The following RNF220 variants were observed in gnomAD, a reference collection of about 807,000 sequenced individuals.
The protein encoded by RNF220 is ring finger protein 220.
Under a neutral mutation model 67.1 loss-of-function variants are expected in RNF220, and 7 were observed. The observed-to-expected ratio is 0.10, with a 90% CI of 0.06 to 0.20. RNF220 has a LOEUF of 0.20. Among genes scored for constraint, RNF220 ranks in the 10% least tolerant of loss-of-function variants. The pLI is 1.00. For missense variants in RNF220, 565 were observed against 740.3 expected, an observed-to-expected ratio of 0.76 and a Z score of 2.75; for synonymous variants, 270 against 283.2, an observed-to-expected ratio of 0.95 and a Z score of 0.47.
chr1:44,556,073 C>T (rs1310329249), intron 2 of RNF220, among the ~76,000 whole-genome samples: 2 of 150,390 alleles, frequency 1.3e-5, no homozygotes, highest in Non-Finnish European at 2.9e-5. Context: ...CTCTCTGTGT[C>T]GCCCAGGCTG....
At chr1:44,632,171 G>T in intron 5 of RNF220, 172 bp from the exon 6 acceptor site, 1 of 1,562,052 alleles carries the variant, frequency 6.4e-7, no homozygotes, top group Non-Finnish European at 8.7e-7. Flanking sequence ...AGAGCCCGGA[G>T]CGGCCGGAGG....
chr1:44,513,906 G>A (rs974302776), intron 2 of RNF220, among the ~76,000 whole-genome samples: 3 of 152,240 alleles, frequency 2.0e-5, no homozygotes, highest in Non-Finnish European at 4.4e-5. Context: ...TGGAATAGAG[G>A]CGTTTGTTAG....
intron 2 of RNF220, among the ~76,000 whole-genome samples, chr1:44,557,575 T>TCATC (rs149254753): frequency 0.089 from 13,502 of 152,046 alleles, 804 homozygotes; most frequent in East Asian, 0.26. Context: ...GTTCATTCAT[T>TCATC]CATTCATTCA....
intron 2 of RNF220, chr1:44,423,893 G>A (rs778448272): frequency 1.3e-4 from 124 of 985,304 alleles, no homozygotes; most frequent in Non-Finnish European, 1.4e-4. Flanking sequence ...AAAAGAAAGC[G>A]AAGCAAACCG....
chr1:44,427,034 A>G (rs1649859182), intron 2 of RNF220, among the ~76,000 whole-genome samples: 3 of 152,228 alleles, frequency 2.0e-5, no homozygotes, highest in Admixed American at 2.0e-4. Context: ...TGACACTTCA[A>G]GCACTTTCTA....
At position 44,629,114 on chromosome 1, in the gene RNF220, C is replaced by T. The variant is rs1011201055; in HGVS notation, c.906+2716C>T. Among the ~76,000 whole-genome samples the T allele has an allele frequency of 1.1e-4, 16 of 152,234 alleles. 1 individual carries two copies. On this transcript the variant is annotated intron_variant, in intron 5 of 14. Coordinates refer to ENST00000361799, the MANE Select transcript of RNF220 (RefSeq NM_018150.4). The stretch of plus-strand genomic sequence containing the variant: ...GGTGTCTTGGCTCTCTTCCATGTGG[C>T]CTCTCATCCTCCAGTATGTTCAATC...
At chr1:44,457,375 GA>G (rs1653298339) in intron 2 of RNF220, among the ~76,000 whole-genome samples, 1 of 152,038 alleles carries the variant, frequency 6.6e-6, no homozygotes, top group Non-Finnish European at 1.5e-5. Context: ...AAAAATGAAT[GA>G]AAAAAATTAT....
At chr1:44,520,147 AAG>A (rs1188847351) in intron 2 of RNF220, among the ~76,000 whole-genome samples, 1 of 90,726 alleles carries the variant, frequency 1.1e-5, no homozygotes, top group African/African-American at 4.4e-5. Flanking sequence ...GAGAGAGAGA[AAG>A]AGAGAGATTG....
chr1:44,467,718 T>C (rs1395603308), intron 2 of RNF220, among the ~76,000 whole-genome samples: 1 of 152,210 alleles, frequency 6.6e-6, no homozygotes, highest in East Asian at 1.9e-4. Context: ...CATTTTTTTA[T>C]TTCTTTTAAG....
intron 2 of RNF220, among the ~76,000 whole-genome samples, chr1:44,597,410 A>AACGT (rs1257249599): frequency 6.6e-6 from 1 of 151,546 alleles, no homozygotes; most frequent in African/African-American, 2.4e-5. Flanking sequence ...CAAGACAGAA[A>AACGT]ACGTACATCC....
intron 2 of RNF220, among the ~76,000 whole-genome samples, chr1:44,588,714 GC>G (rs1315893593): frequency 1.3e-5 from 2 of 152,234 alleles, no homozygotes; most frequent in African/African-American, 4.8e-5. Flanking sequence ...GGGCCAGGGG[GC>G]AGAGGTGGCT....
intron 2 of RNF220, among the ~76,000 whole-genome samples, chr1:44,511,929 G>T (rs566406695): frequency 6.6e-6 from 1 of 152,030 alleles, no homozygotes; most frequent in Admixed American, 6.6e-5. Flanking sequence ...GTGTGTGTGT[G>T]TGTGTGTGTG....
chr1:44,548,037 A>G (rs528166659), intron 2 of RNF220, among the ~76,000 whole-genome samples: 3 of 152,124 alleles, frequency 2.0e-5, no homozygotes, highest in Admixed American at 1.3e-4. Flanking sequence ...CAGTACCGCT[A>G]TTGTCCCAGG....
intron 2 of RNF220, among the ~76,000 whole-genome samples, chr1:44,466,201 C>G (rs1654261464): frequency 6.6e-6 from 1 of 152,144 alleles, no homozygotes. Flanking sequence ...TTTTAAGAAA[C>G]CACTTTGTTT....
intron 2 of RNF220, among the ~76,000 whole-genome samples, chr1:44,563,767 A>AG (rs1663773637): frequency 6.6e-6 from 1 of 152,198 alleles, no homozygotes; most frequent in Admixed American, 6.5e-5. Context: ...ATGACTGTGA[A>AG]GTGTCCAGGA....
Position 44,412,057 on chromosome 1 carries a change from G to T in RNF220, c.-41G>T. The T allele has an allele frequency of 6.4e-7, 1 of 1,574,470 alleles. No individual in the cohort carries two copies. The highest frequency in any genetic ancestry group is 1.2e-5 in the South Asian group (1 of 83,888). Reference sequence around the variant, plus strand: ...GCTGGTTGGCCTCCCTCCCAGGGAAGACTGCTTCTTGCGTAACGCCGGCCA... The same window carrying T: ...GCTGGTTGGCCTCCCTCCCAGGGAATACTGCTTCTTGCGTAACGCCGGCCA... On this transcript the variant is annotated 5_prime_UTR_variant, in exon 2 of 15. Coordinates refer to ENST00000361799, the MANE Select transcript of RNF220 (RefSeq NM_018150.4). The surrounding 1 kb of genome is among the most constrained non-coding windows in gnomAD (Gnocchi z 5.3).
chr1:44,485,560 C>T (rs1188394606), intron 2 of RNF220, among the ~76,000 whole-genome samples: 1 of 152,152 alleles, frequency 6.6e-6, no homozygotes, highest in Non-Finnish European at 1.5e-5. Context: ...GGCCGTTTTT[C>T]CCCAGGAAAG....
intron 2 of RNF220, among the ~76,000 whole-genome samples, chr1:44,449,642 A>G (rs1028372045): frequency 1.3e-5 from 2 of 152,040 alleles, no homozygotes; most frequent in African/African-American, 4.8e-5. Context: ...TCTAACTCCT[A>G]GACTCATGTG....
At chr1:44,491,318 T>C (rs1256763094) in intron 2 of RNF220, among the ~76,000 whole-genome samples, 1 of 151,784 alleles carries the variant, frequency 6.6e-6, no homozygotes, top group African/African-American at 2.4e-5. Context: ...CTTATGAACA[T>C]ATATATATAT....
Sources: gnomAD v4.1 joint callset for allele counts (sites outside exome capture counted in the v4.1 genomes callset) on GRCh38, gnomAD v4.1.1 for gene constraint, Gnocchi (gnomAD v3.1) non-coding constraint, MANE v1.5 for transcripts, NCBI Gene and HGNC (gene_info 2026-07-23, HGNC 2026-07-21) for gene names.